TANC1: variants seen among roughly 807,000 people sequenced by gnomAD.
TANC1 encodes tetratricopeptide repeat, ankyrin repeat and coiled-coil containing 1.
A neutral mutation model predicts 149.7 loss-of-function variants in TANC1; 77 were observed. The observed-to-expected ratio is 0.51, with a 90% CI of 0.43 to 0.62. TANC1 has a LOEUF of 0.62. Among genes scored for constraint, TANC1 ranks in the 20% least tolerant of loss-of-function variants. TANC1 has a pLI of 0.00. For synonymous variants in TANC1, 854 were observed against 925.0 expected, an observed-to-expected ratio of 0.92 and a Z score of 1.39; for missense variants, 1,985 against 2,321.8, an observed-to-expected ratio of 0.85 and a Z score of 2.98.
intron 24 of TANC1, chr2:159,227,074 C>T (rs570043735): frequency 6.6e-6 from 1 of 152,196 alleles, no homozygotes; most frequent in African/African-American, 2.4e-5. Context: ...TAGATTTTTT[C>T]CTTCTCATTT....
In TANC1 at chr2:159,047,117, A is replaced by T. The variant is rs118046781; in HGVS notation, c.-15-18779A>T. Among the ~76,000 whole-genome samples the T allele has an allele frequency of 3.8e-4, 58 of 151,692 alleles. 1 individual carries two copies. In the East Asian group the frequency reaches 0.011, roughly 29 times the overall value. ...CTCTGAATTCATCCTCCTCTTAGAC[A>T]ATCTTTTGGACATTTCTGCTTGGAT... On this transcript the variant is annotated intron_variant, in intron 2 of 26. Coordinates refer to ENST00000263635, the MANE Select transcript of TANC1 (RefSeq NM_033394.3).
intron 2 of TANC1, among the ~76,000 whole-genome samples, chr2:159,036,566 G>A (rs2149503210): frequency 6.6e-6 from 1 of 151,948 alleles, no homozygotes; most frequent in Middle Eastern, 3.4e-3. Context: ...GTGTCCAAAT[G>A]TTTTCATTGT....
Position 159,131,654 on chromosome 2 carries a change from A to G in TANC1, c.260-4540A>G, listed in dbSNP as rs183708819. On this transcript the variant is annotated intron_variant, in intron 4 of 26. Coordinates refer to ENST00000263635, the MANE Select transcript of TANC1 (RefSeq NM_033394.3). ...CTCCTTTCCCCACTGGTCTTTCTTTAATCTTTTTGCTACAACTTTAATGGT... is the reference window on the plus strand; with the variant it reads ...CTCCTTTCCCCACTGGTCTTTCTTTGATCTTTTTGCTACAACTTTAATGGT... Among the ~76,000 whole-genome samples, 35 of 151,982 alleles carry G rather than the reference A, an allele frequency of 2.3e-4. No homozygotes were observed. The East Asian group carries it at 6.4e-3, about 28-fold the overall frequency.
chr2:159,085,175 G>C (rs1341618294), intron 3 of TANC1, among the ~76,000 whole-genome samples: 1 of 152,180 alleles, frequency 6.6e-6, no homozygotes. Flanking sequence ...TCCAGAGAGA[G>C]TGGGTTGTAA....
At chr2:158,983,574 T>TA (rs2034667244) in intron 1 of TANC1, among the ~76,000 whole-genome samples, 1 of 152,100 alleles carries the variant, frequency 6.6e-6, no homozygotes, top group South Asian at 2.1e-4. Flanking sequence ...AATCAGTATT[T>TA]AAAAAATCAA....
intron 3 of TANC1, among the ~76,000 whole-genome samples, chr2:159,092,876 C>A (rs190304703): frequency 2.1e-4 from 32 of 152,198 alleles, no homozygotes; most frequent in African/African-American, 7.7e-4. Context: ...CTATCTTTTT[C>A]CCCAAATTAA....
intron 11 of TANC1, 78 bp downstream of exon 11, chr2:159,172,350 G>T: frequency 7.0e-7 from 1 of 1,419,250 alleles, no homozygotes; most frequent in South Asian, 1.3e-5. Context: ...GATTGGAAAA[G>T]GGAGCTTAAA....
intron 4 of TANC1, among the ~76,000 whole-genome samples, chr2:159,134,468 C>G (rs1207208794): frequency 3.3e-5 from 5 of 151,452 alleles, no homozygotes; most frequent in Admixed American, 3.3e-4. Flanking sequence ...CTGCACCCAG[C>G]TAACTTTGTT....
At chr2:158,993,180 A>G (rs1032367450) in intron 1 of TANC1, among the ~76,000 whole-genome samples, 8 of 152,220 alleles carry the variant, frequency 5.3e-5, no homozygotes, top group African/African-American at 1.2e-4. Flanking sequence ...CACAGCAGCT[A>G]TGTGGAAGTG....
intron 3 of TANC1, among the ~76,000 whole-genome samples, chr2:159,070,395 A>G (rs536844280): frequency 6.6e-6 from 1 of 152,276 alleles, no homozygotes; most frequent in East Asian, 1.9e-4. Flanking sequence ...GTTACAACTG[A>G]TGAACCTACA....
At chr2:159,169,991 C>CA (rs558720895) in intron 9 of TANC1, among the ~76,000 whole-genome samples, 9,062 of 115,808 alleles carry the variant, frequency 0.078, 304 homozygotes, top group Non-Finnish European at 0.09. Context: ...GAAACTATCT[C>CA]AAAAAAAAAA....
At chr2:159,170,864 G>A in intron 10 of TANC1, 59 bp downstream of exon 10, 1 of 1,567,340 alleles carries the variant, frequency 6.4e-7, no homozygotes, top group South Asian at 1.2e-5. Context: ...GGAGGAAATT[G>A]CTGTTCACAT....
At chr2:159,213,509 C>T (rs1277128959) in intron 19 of TANC1, among the ~76,000 whole-genome samples, 8 of 151,874 alleles carry the variant, frequency 5.3e-5, no homozygotes, top group African/African-American at 7.3e-5. Context: ...CATACCGACA[C>T]GCTGAGATGA....
chr2:159,107,076 G>A (rs1182458611), intron 4 of TANC1, among the ~76,000 whole-genome samples: 1 of 152,178 alleles, frequency 6.6e-6, no homozygotes, highest in Non-Finnish European at 1.5e-5. Context: ...CGCCCAGGCT[G>A]GTGTGCAATG....
At chr2:159,143,882 T>C (rs899047123) in intron 5 of TANC1, among the ~76,000 whole-genome samples, 3 of 152,062 alleles carry the variant, frequency 2.0e-5, no homozygotes, top group African/African-American at 7.2e-5. Context: ...AGTTAAAATT[T>C]AGTTTTTTAA....
intron 14 of TANC1, among the ~76,000 whole-genome samples, chr2:159,184,094 T>C (rs1276896425): frequency 1.3e-5 from 2 of 152,222 alleles, no homozygotes; most frequent in African/African-American, 4.8e-5. Flanking sequence ...TCTAGCCATG[T>C]GGTCTTGCAT....
chr2:159,203,357 C>A (rs1045522166), intron 19 of TANC1, among the ~76,000 whole-genome samples: 1 of 152,042 alleles, frequency 6.6e-6, no homozygotes, highest in African/African-American at 2.4e-5. Context: ...CAGGCATGCA[C>A]CACCACGCCA....
At chr2:159,042,641 C>T (rs2040737501) in intron 2 of TANC1, among the ~76,000 whole-genome samples, 1 of 151,922 alleles carries the variant, frequency 6.6e-6, no homozygotes, top group South Asian at 2.1e-4. Context: ...GTTCTGAGCA[C>T]AGAGAAAGGG....
chr2:159,155,043 T>G (rs1427032341), intron 7 of TANC1, among the ~76,000 whole-genome samples: 1 of 152,174 alleles, frequency 6.6e-6, no homozygotes, highest in Non-Finnish European at 1.5e-5. Context: ...TAGAAAGAAA[T>G]ATAAAGTATG....
Sources: allele counts gnomAD v4.1 joint callset (sites outside exome capture counted in the v4.1 genomes callset), GRCh38; gene constraint gnomAD v4.1.1; transcripts MANE v1.5; gene names NCBI Gene and HGNC (gene_info 2026-07-23, HGNC 2026-07-21).